The following CSMD1 variants were observed in gnomAD, a reference collection of about 807,000 sequenced individuals.
CSMD1 encodes CUB and Sushi multiple domains 1.
A neutral mutation model predicts 417.5 loss-of-function variants in CSMD1; 213 were observed. The observed-to-expected ratio is 0.51, with a 90% CI of 0.46 to 0.57. The LOEUF is 0.57. Among genes scored for constraint, CSMD1 ranks in the 20% least tolerant of loss-of-function variants. The probability of loss-of-function intolerance (pLI) is 0.00; values close to 1 mark genes in which losing one functional copy is unlikely to be tolerated. For synonymous variants in CSMD1, 2,862 were observed against 1,736.8 expected (o/e 1.65, Z -16.11); for missense variants, 6,923 against 4,529.7 (o/e 1.53, Z -15.17).
At chr8:4,413,009 A>G (rs1796732174) in intron 3 of CSMD1, among the ~76,000 whole-genome samples, 2 of 152,236 alleles carry the variant, frequency 1.3e-5, no homozygotes, top group Admixed American at 6.5e-5. Context: ...GATTTTTGAC[A>G]ACTTGAAGTC....
chr8:4,491,505 C>T (rs896275795), intron 2 of CSMD1, among the ~76,000 whole-genome samples: 1 of 152,096 alleles, frequency 6.6e-6, no homozygotes, highest in Non-Finnish European at 1.5e-5. Context: ...TTGGTAACTT[C>T]ACCTCCTTCC....
At chr8:4,477,503 A>G (rs1204898378) in intron 2 of CSMD1, among the ~76,000 whole-genome samples, 2 of 152,218 alleles carry the variant, frequency 1.3e-5, no homozygotes, top group Non-Finnish European at 2.9e-5. Context: ...ATGCAGCATT[A>G]CGTGAGTGGC....
At chr8:3,596,034 CA>C (rs1801076834) in intron 8 of CSMD1, among the ~76,000 whole-genome samples, 2 of 148,394 alleles carry the variant, frequency 1.3e-5, no homozygotes, top group African/African-American at 5.1e-5. Context: ...AGAGCAACGT[CA>C]GTGCCTATTT....
chr8:3,926,613 T>C (rs1300652890), intron 5 of CSMD1, among the ~76,000 whole-genome samples: 1 of 151,830 alleles, frequency 6.6e-6, no homozygotes, highest in Non-Finnish European at 1.5e-5. Flanking sequence ...TTGTTTAAAA[T>C]ATGATTTTAT....
chr8:4,827,071 A>T (rs1799873131), intron 1 of CSMD1, among the ~76,000 whole-genome samples: 3 of 152,144 alleles, frequency 2.0e-5, no homozygotes, highest in Admixed American at 2.0e-4. Flanking sequence ...AGGGAAAAAA[A>T]TTAAGTCCAT....
At chr8:3,041,260 C>T (rs76637886) in intron 50 of CSMD1, among the ~76,000 whole-genome samples, 6,037 of 152,104 alleles carry the variant, frequency 0.04, 408 homozygotes, top group African/African-American at 0.13. Context: ...ATATGTACTA[C>T]AGAGCAAAAA....
intron 2 of CSMD1, among the ~76,000 whole-genome samples, chr8:4,591,257 G>A (rs1799968495): frequency 6.6e-6 from 1 of 152,220 alleles, no homozygotes; most frequent in Admixed American, 6.5e-5. Flanking sequence ...CAAACACCAG[G>A]AGGAAGAGCC....
At chr8:3,950,888 G>C (rs141136770) in intron 5 of CSMD1, among the ~76,000 whole-genome samples, 4 of 151,914 alleles carry the variant, frequency 2.6e-5, no homozygotes, top group Admixed American at 2.0e-4. Context: ...CTCTTTCAAA[G>C]AATACTTAAT....
chr8:3,631,577 G>C (rs540086185), intron 7 of CSMD1, among the ~76,000 whole-genome samples: 1 of 152,206 alleles, frequency 6.6e-6, no homozygotes, highest in Non-Finnish European at 1.5e-5. Context: ...ATGACGCTAA[G>C]AAGCCAAATC....
chr8:3,379,253 C>G (rs1026519412), intron 18 of CSMD1, among the ~76,000 whole-genome samples: 1 of 151,832 alleles, frequency 6.6e-6, no homozygotes, highest in East Asian at 1.9e-4. Context: ...AGAGAGGACA[C>G]AAACAAATAA....
rs371371037 is a variant in CSMD1 at position 4,012,103 on chromosome 8, A to C, written c.611-13993T>G. Among the ~76,000 whole-genome samples the C allele has an allele frequency of 1.8e-4, 28 of 152,292 alleles. No individual in the cohort carries two copies. In the East Asian group the frequency reaches 2.1e-3, roughly 12 times the overall value. On this transcript the variant is annotated intron_variant, in intron 4 of 69. Transcript: ENST00000635120. ...CTATATTGTAGACATAGCCACAATGAAACATTTTCTAGATTTAAAATATAT... is the reference window on the plus strand; with the variant it reads ...CTATATTGTAGACATAGCCACAATGCAACATTTTCTAGATTTAAAATATAT...
At chr8:4,140,126 G>T (rs1285030288) in intron 3 of CSMD1, among the ~76,000 whole-genome samples, 2 of 150,922 alleles carry the variant, frequency 1.3e-5, no homozygotes, top group Non-Finnish European at 2.9e-5. Flanking sequence ...GTGAAGGCGG[G>T]AGGATTCCTT....
intron 1 of CSMD1, among the ~76,000 whole-genome samples, chr8:4,703,601 G>A (rs1222880259): frequency 3.3e-5 from 5 of 152,068 alleles, no homozygotes. Flanking sequence ...TGGTGTTAAG[G>A]AAATATTTCA....
At chr8:4,605,962 G>C (rs1585320246) in intron 2 of CSMD1, among the ~76,000 whole-genome samples, 1 of 152,178 alleles carries the variant, frequency 6.6e-6, no homozygotes, top group South Asian at 2.1e-4. Flanking sequence ...AGCTAGACCA[G>C]AGCAGAGCCA....
At chr8:3,455,820 C>G (rs1207444594) in intron 12 of CSMD1, among the ~76,000 whole-genome samples, 1 of 152,212 alleles carries the variant, frequency 6.6e-6, no homozygotes, top group African/African-American at 2.4e-5. Flanking sequence ...CTGGGAGAAC[C>G]ACTACTCTCT....
rs947855359 is a variant in CSMD1 at position 3,783,954 on chromosome 8, A to G, written c.819-29912T>C. ...ACCCCAGCTCTGCGATTTACCTATTACCTGCCCTTGGGCAAATTACTTCCT... is the reference window on the plus strand; with the variant it reads ...ACCCCAGCTCTGCGATTTACCTATTGCCTGCCCTTGGGCAAATTACTTCCT... On this transcript the variant is annotated intron_variant, in intron 5 of 69. Transcript: ENST00000635120. Among the ~76,000 whole-genome samples, 18 of 152,244 alleles carry G rather than the reference A, an allele frequency of 1.2e-4. No homozygotes were observed. In the South Asian group the frequency reaches 3.7e-3, roughly 32 times the overall value.
chr8:4,574,589 A>G (rs537168087), intron 2 of CSMD1, among the ~76,000 whole-genome samples: 75 of 152,262 alleles, frequency 4.9e-4, no homozygotes, highest in African/African-American at 1.7e-3. Flanking sequence ...CTGAGTTCCA[A>G]CTGCTTTGTG....
rs191816668 is a variant in CSMD1 at position 3,642,262 on chromosome 8, G to T, written c.1010-25465C>A. Among the ~76,000 whole-genome samples, 6 of 151,992 alleles carry T rather than the reference G, an allele frequency of 3.9e-5. No homozygotes were observed. The East Asian group carries it at 1.2e-3, about 29-fold the overall frequency. On this transcript the variant is annotated intron_variant, in intron 7 of 69. Transcript: ENST00000635120. The stretch of plus-strand genomic sequence containing the variant: ...CCAAGAAGTCACATACACTCTTAAG[G>T]ACTTGACTAATAGTAAATTCACTGT...
intron 2 of CSMD1, among the ~76,000 whole-genome samples, chr8:4,453,122 G>A (rs1033846996): frequency 3.3e-5 from 5 of 151,698 alleles, no homozygotes; most frequent in African/African-American, 7.3e-5. Context: ...GGAATTCCTT[G>A]GACACATGTG....
Sources: gnomAD v4.1 joint callset for allele counts (sites outside exome capture counted in the v4.1 genomes callset) on GRCh38, gnomAD v4.1.1 for gene constraint, MANE v1.5 for transcripts, NCBI Gene and HGNC (gene_info 2026-07-23, HGNC 2026-07-21) for gene names.